Variants in MCM6 observed in about 807,000 individuals in gnomAD.
MCM6 encodes minichromosome maintenance complex component 6, also known as DNA replication licensing factor MCM6.
Under a neutral mutation model 94.3 loss-of-function variants are expected in MCM6, and 46 were observed. That is an observed-to-expected ratio of 0.49 (90% confidence interval 0.39 to 0.62). The LOEUF (loss-of-function observed/expected upper bound fraction) is 0.62. MCM6 is among the 20% of genes least tolerant of loss of function. The pLI is 0.00. For synonymous variants in MCM6, 335 were observed against 351.9 expected (o/e 0.95, Z 0.54); for missense variants, 865 against 1,017.9 (o/e 0.85, Z 2.04).
chr2:135,848,183 T>A lies in MCM6; in HGVS notation c.1923A>T (p.Gln641His). 6.2e-7 allele frequency: 1 copy of A among 1,609,800 alleles called. No individual in the cohort carries two copies. Among genetic ancestry groups the A allele is most frequent in the Non-Finnish European group, 8.5e-7 (1 of 1,176,430 alleles). ...MARMHCCDEV[Q>H]PKHVKEAFRL... ...GGAAAGCTTCCTTCACATGTTTAGG[T>A]TGGACCTAAACCAATAATGATGAAG... Residue 641 changes from glutamine to histidine, a missense_variant, in exon 14 of 17, where the codon CAA becomes CAT. Physicochemically the swap from Gln to His is conservative, Grantham distance 24. This residue lies in a region of MCM6 where 308 missense variants were observed against 324.5 expected (regional missense o/e 0.95). Transcript: ENST00000264156.
chr2:135,860,711 C>T (rs1227006087), intron 8 of MCM6, among the ~76,000 whole-genome samples: 2 of 152,150 alleles, frequency 1.3e-5, no homozygotes, highest in African/African-American at 2.4e-5. Context: ...TTTCCTAAGT[C>T]TAATAAAGGG....
At chr2:135,845,369 GAAT>G (rs1044096789) in intron 15 of MCM6, among the ~76,000 whole-genome samples, 4 of 152,166 alleles carry the variant, frequency 2.6e-5, no homozygotes, top group Non-Finnish European at 5.9e-5. Flanking sequence ...GGGAGAAAGA[GAAT>G]AATGACATAT....
intron 4 of MCM6, among the ~76,000 whole-genome samples, chr2:135,867,349 T>C (rs56263017): frequency 0.17 from 26,153 of 151,854 alleles, 2,759 homozygotes; most frequent in South Asian, 0.34. Context: ...TTGTCAAGAG[T>C]GTCCTTTATA....
In MCM6 at chr2:135,868,656, T is replaced by C; in HGVS notation, c.570A>G (p.Arg190=). 1 of 1,614,168 alleles carries C rather than the reference T, an allele frequency of 6.2e-7. No individual in the cohort carries two copies. The highest frequency in any genetic ancestry group is 8.5e-7 in the Non-Finnish European group (1 of 1,179,994). The part of the protein sequence containing the change: ...CRNPVCANRR[R]FLLDTNKSRF... ...TTGATTTATTTGTATCCAGTAAGAA[T>C]CTCCTCCTGTTGGCACAAACTGGAT... Residue 190 remains arginine (R), a synonymous_variant, in exon 4 of 17, where the codon AGA becomes AGG. Transcript: ENST00000264156.
At chr2:135,864,908 A>G in intron 7 of MCM6, 105 bp downstream of exon 7, 1 of 884,396 alleles carries the variant, frequency 1.1e-6, no homozygotes, top group Non-Finnish European at 1.6e-6. Flanking sequence ...CAGACCCACT[A>G]AAAACTTTCA....
chr2:135,847,501 G>T (rs1300205056), intron 14 of MCM6, among the ~76,000 whole-genome samples: 4 of 152,088 alleles, frequency 2.6e-5, no homozygotes, highest in Non-Finnish European at 5.9e-5. Flanking sequence ...TACAAATAAG[G>T]GTAAAACCCA....
In MCM6 at chr2:135,844,595, T is replaced by C; in HGVS notation, c.2299A>G (p.Ile767Val). 3 of 1,584,654 alleles carry C rather than the reference T, an allele frequency of 1.9e-6. No homozygotes were observed. The highest frequency in any genetic ancestry group is 1.2e-5 in the South Asian group (1 of 84,100). The change falls in exon 16 of 17, where the codon ATA (isoleucine) becomes GTA (valine). Residue 767 changes from isoleucine to valine, a missense_variant. Physicochemically the swap from Ile to Val is conservative, Grantham distance 29 (BLOSUM62 3). Around this residue, in one of 3 missense-constraint regions of MCM6, gnomAD observed 308 missense variants for 324.5 expected, o/e 0.95. Coordinates refer to ENST00000264156, the MANE Select transcript of MCM6 (RefSeq NM_005915.6). ...TTCTCTATGATTCTTTTTTTATTTA[T>C]AAGTTCTTCTTCAGAGTCTATCTCT... is the stretch of plus-strand genomic sequence containing the variant. The part of the protein sequence containing the change: ...ESEIDSEEEL[I>V]NKKRIIEKVI...
At chr2:135,872,521 T>A (rs1247101202) in intron 2 of MCM6, among the ~76,000 whole-genome samples, 176 bp downstream of exon 2, 1 of 152,048 alleles carries the variant, frequency 6.6e-6, no homozygotes, top group East Asian at 1.9e-4. Context: ...AAGGCCTACA[T>A]GAAGTTCAGA....
chr2:135,848,228 G>A, intron 13 of MCM6, 40 bp from the exon 14 acceptor site: 1 of 1,491,790 alleles, frequency 6.7e-7, no homozygotes, highest in Non-Finnish European at 9.3e-7. Flanking sequence ...TACTTTTTTT[G>A]ATATACCAAA....
intron 5 of MCM6, 138 bp downstream of exon 5, chr2:135,866,423 ATT>A (rs1680096280): frequency 2.2e-6 from 3 of 1,388,068 alleles, no homozygotes; most frequent in Admixed American, 4.3e-5. Context: ...GGCAAAACCA[ATT>A]TGTTTTTATT....
intron 16 of MCM6, among the ~76,000 whole-genome samples, chr2:135,842,494 A>T (rs948774479): frequency 6.6e-6 from 1 of 152,204 alleles, no homozygotes; most frequent in Non-Finnish European, 1.5e-5. Context: ...TGTGCCAGGT[A>T]CCACTGTAGC....
At chr2:135,844,493 G>A (rs1679634522) in intron 16 of MCM6, 52 bp downstream of exon 16, 1 of 1,396,188 alleles carries the variant, frequency 7.2e-7, no homozygotes, top group Non-Finnish European at 9.3e-7. Context: ...CAGATACAGG[G>A]CATGAACTCC....
intron 13 of MCM6, among the ~76,000 whole-genome samples, chr2:135,851,081 A>G (rs41380347): frequency 3.3e-5 from 5 of 152,322 alleles, no homozygotes; most frequent in South Asian, 2.1e-4. Context: ...CAGGGGCTAC[A>G]TTATCTTATC....
In MCM6 at chr2:135,854,055, G is replaced by A. The variant is rs185660423; in HGVS notation, c.1627-1140C>T. Among the ~76,000 whole-genome samples the A allele has an allele frequency of 8.5e-5, 13 of 152,082 alleles. No homozygotes were observed. The East Asian group carries it at 2.1e-3, about 25-fold the overall frequency. On this transcript the variant is annotated intron_variant, in intron 11 of 16. Transcript: ENST00000264156. ...CAGTCCAGGCAACACGGCAAAACTCGGTCTCTACAAAAAATACAAAAGTTA... is the reference window on the plus strand; with the variant it reads ...CAGTCCAGGCAACACGGCAAAACTCAGTCTCTACAAAAAATACAAAAGTTA...
Position 135,856,892 on chromosome 2 carries a change from A to G in MCM6, c.1471-9T>C. On this transcript the variant is annotated splice_polypyrimidine_tract_variant and intron_variant, in intron 10 of 16. Coordinates refer to ENST00000264156, the MANE Select transcript of MCM6 (RefSeq NM_005915.6). ...CGGGCGTTCAGAGTAGCCTGACCAC[A>G]AAAGAAAGAATCTTAACAGATTTAA... The G allele has an allele frequency of 6.9e-6, 11 of 1,604,770 alleles. No homozygotes were observed. The highest frequency in any genetic ancestry group is 9.4e-6 in the Non-Finnish European group (11 of 1,176,142).
At chr2:135,853,046 C>T (rs1679806678) in intron 11 of MCM6, 131 bp from the exon 12 acceptor site, 1 of 696,992 alleles carries the variant, frequency 1.4e-6, no homozygotes, top group East Asian at 3.1e-5. Context: ...TAATGGGTAC[C>T]AAGTTTCTGA....
At chr2:135,863,818 T>G (rs1445755842) in intron 7 of MCM6, among the ~76,000 whole-genome samples, 1 of 149,952 alleles carries the variant, frequency 6.7e-6, no homozygotes, top group African/African-American at 2.5e-5. Context: ...TATATTTAGA[T>G]AGAAAAAAAG....
chr2:135,869,673 G>A (rs1481053947), intron 3 of MCM6, among the ~76,000 whole-genome samples: 1 of 151,892 alleles, frequency 6.6e-6, no homozygotes, highest in East Asian at 1.9e-4. Flanking sequence ...CTGCCAAAGG[G>A]GTGTTTGAAA....
intron 13 of MCM6, among the ~76,000 whole-genome samples, chr2:135,849,370 G>T (rs755697464): frequency 6.6e-6 from 1 of 152,098 alleles, no homozygotes; most frequent in Non-Finnish European, 1.5e-5. Flanking sequence ...TAATGGATGT[G>T]TAGCACAAGC....
Sources: gnomAD v4.1 joint callset for allele counts (sites outside exome capture counted in the v4.1 genomes callset) on GRCh38, gnomAD v4.1.1 for gene constraint, gnomAD v4.1.1 regional missense constraint, MANE v1.5 for transcripts, NCBI Gene and HGNC (gene_info 2026-07-23, HGNC 2026-07-21) for gene names.